Variants in RBFOX3 observed in about 807,000 individuals in gnomAD.
RBFOX3 encodes RNA binding fox-1 homolog 3.
In RBFOX3, 17 loss-of-function variants were observed where a neutral mutation model predicts 48.7. The observed-to-expected ratio is 0.35, with a 90% CI of 0.24 to 0.52. The LOEUF (loss-of-function observed/expected upper bound fraction) is 0.52, where lower values mean the gene tolerates loss of function less well. Ranked by LOEUF, RBFOX3 falls within the 20% of genes least tolerant of loss-of-function variation. The pLI, the probability that RBFOX3 is intolerant of heterozygous loss-of-function variation, is 0.94. For missense variants in RBFOX3, 382 were observed against 497.5 expected (o/e 0.77, Z 2.21); for synonymous variants, 212 against 209.5 (o/e 1.01, Z -0.10).
intron 11 of RBFOX3, among the ~76,000 whole-genome samples, 183 bp from the exon 12 acceptor site, chr17:79,097,016 G>C (rs2075406071): frequency 1.3e-5 from 2 of 152,182 alleles, no homozygotes; most frequent in South Asian, 4.1e-4. Context: ...CTGACCTCAA[G>C]AGTGGACAAC....
chr17:79,467,544 C>T (rs1332762945), intron 2 of RBFOX3, among the ~76,000 whole-genome samples: 1 of 152,216 alleles, frequency 6.6e-6, no homozygotes, highest in Non-Finnish European at 1.5e-5. Flanking sequence ...GCCAGCACTC[C>T]TGGGCCACCC....
chr17:79,149,757 G>A (rs1473469515), intron 4 of RBFOX3, among the ~76,000 whole-genome samples: 1 of 151,440 alleles, frequency 6.6e-6, no homozygotes, highest in Non-Finnish European at 1.5e-5. Flanking sequence ...GGACCTGCAG[G>A]TCCTGGGAGG....
chr17:79,368,638 G>C (rs2058110077), intron 2 of RBFOX3, among the ~76,000 whole-genome samples: 1 of 152,142 alleles, frequency 6.6e-6, no homozygotes, highest in African/African-American at 2.4e-5. Context: ...GAAGGTGCTG[G>C]AAGAGCTGAC....
At chr17:79,604,329 C>CT (rs2093778573) in intron 1 of RBFOX3, among the ~76,000 whole-genome samples, 1 of 152,182 alleles carries the variant, frequency 6.6e-6, no homozygotes, top group Non-Finnish European at 1.5e-5. Flanking sequence ...TCTGGGTTTC[C>CT]TTTTTTTGCT....
At chr17:79,523,105 G>T (rs1480187378) in intron 1 of RBFOX3, among the ~76,000 whole-genome samples, 1 of 148,888 alleles carries the variant, frequency 6.7e-6, no homozygotes, top group Non-Finnish European at 1.5e-5. Flanking sequence ...ACAGAAGGAA[G>T]AATGGAGGTT....
chr17:79,273,614 G>T (rs111294665), intron 3 of RBFOX3, among the ~76,000 whole-genome samples: 251 of 151,556 alleles, frequency 1.7e-3, no homozygotes, highest in Middle Eastern at 7.0e-3. Context: ...TAGTCCTGGG[G>T]GGCAGCGTGA....
chr17:79,540,964 C>G (rs560528809), intron 1 of RBFOX3, among the ~76,000 whole-genome samples: 1 of 152,164 alleles, frequency 6.6e-6, no homozygotes, highest in African/African-American at 2.4e-5. Context: ...CTGGGGGGAT[C>G]TGCAGGCCCA....
At chr17:79,308,588 G>A (rs770315151) in intron 2 of RBFOX3, among the ~76,000 whole-genome samples, 2 of 152,164 alleles carry the variant, frequency 1.3e-5, no homozygotes, top group African/African-American at 2.4e-5. Context: ...GCCATGGTCC[G>A]AGTGTTTCTG....
chr17:79,142,926 G>A (rs8081390), intron 4 of RBFOX3, among the ~76,000 whole-genome samples: 75,006 of 151,586 alleles, frequency 0.49, 19,633 homozygotes, highest in Non-Finnish European at 0.59. Flanking sequence ...ACCCATGCAC[G>A]TGGCCCTGCC....
intron 1 of RBFOX3, among the ~76,000 whole-genome samples, chr17:79,503,088 A>G (rs4790062): frequency 0.63 from 95,230 of 152,000 alleles, 30,299 homozygotes; most frequent in South Asian, 0.66. Context: ...TGTTCCCTGC[A>G]TCCTCATGTG....
chr17:79,539,502 A>G (rs1333544244), intron 1 of RBFOX3, among the ~76,000 whole-genome samples: 3 of 152,244 alleles, frequency 2.0e-5, no homozygotes, highest in South Asian at 2.1e-4. Context: ...CTTTGCCCCA[A>G]TAAGTCTACT....
intron 2 of RBFOX3, among the ~76,000 whole-genome samples, chr17:79,373,385 G>A (rs998270439): frequency 6.6e-6 from 1 of 152,202 alleles, no homozygotes; most frequent in South Asian, 2.1e-4. Context: ...CCAGGCACTC[G>A]GGCTGGGCGT....
intron 4 of RBFOX3, among the ~76,000 whole-genome samples, chr17:79,216,572 T>C (rs374465495): frequency 4.6e-5 from 7 of 151,822 alleles, no homozygotes; most frequent in African/African-American, 1.7e-4. Flanking sequence ...GGAAGGAAGG[T>C]ACCATGGCCC....
chr17:79,582,110 A>G (rs1425228072), intron 1 of RBFOX3, among the ~76,000 whole-genome samples: 1 of 139,192 alleles, frequency 7.2e-6, no homozygotes, highest in Non-Finnish European at 1.5e-5. Context: ...CTGCCCGTGT[A>G]TGTGCCTGTG....
intron 4 of RBFOX3, among the ~76,000 whole-genome samples, chr17:79,196,311 C>T (rs949256213): frequency 2.6e-5 from 4 of 152,152 alleles, no homozygotes; most frequent in East Asian, 1.9e-4. Flanking sequence ...AAGTGGGGCC[C>T]GCTCCAGCCT....
In RBFOX3 at chr17:79,103,374, G is replaced by A; in HGVS notation, c.415-120C>T. Reference sequence around the variant, plus strand: ...CAGGGGAGTGGGGAGAGAGAGAGAAGGGGTTGAGTCAGGTGAGTTGAGGCA... The same window carrying A: ...CAGGGGAGTGGGGAGAGAGAGAGAAAGGGTTGAGTCAGGTGAGTTGAGGCA... On this transcript the variant is annotated intron_variant, in intron 7 of 14. Coordinates refer to ENST00000693108, the MANE Select transcript of RBFOX3 (RefSeq NM_001350451.2). The surrounding 1 kb of genome is among the most constrained non-coding windows in gnomAD (Gnocchi z 6.1). 1 of 717,588 alleles carries A rather than the reference G, an allele frequency of 1.4e-6. No homozygotes were observed. 44.5% of individuals were successfully genotyped at this position (717,588 alleles called of 1,614,324 possible).
intron 3 of RBFOX3, among the ~76,000 whole-genome samples, chr17:79,255,084 C>A (rs964204242): frequency 2.0e-5 from 3 of 152,146 alleles, no homozygotes; most frequent in Non-Finnish European, 2.9e-5. Flanking sequence ...CCTTAGCCAA[C>A]TCCTTGACCC....
intron 1 of RBFOX3, among the ~76,000 whole-genome samples, chr17:79,553,749 G>GTCTCTCTCTC (rs1164746364): frequency 6.7e-6 from 1 of 149,676 alleles, no homozygotes; most frequent in African/African-American, 2.4e-5. Flanking sequence ...TTGAGACAGA[G>GTCTCTCTCTC]TCTCTCTCTC....
chr17:79,330,109 A>ATG (rs1040013140), intron 2 of RBFOX3, among the ~76,000 whole-genome samples: 22 of 152,252 alleles, frequency 1.4e-4, no homozygotes, highest in African/African-American at 5.3e-4. Flanking sequence ...GTGTGTGAGC[A>ATG]TGTGTGTGTG....
Sources: gnomAD v4.1 joint callset for allele counts (sites outside exome capture counted in the v4.1 genomes callset) on GRCh38, gnomAD v4.1.1 for gene constraint, Gnocchi (gnomAD v3.1) non-coding constraint, MANE v1.5 for transcripts, NCBI Gene and HGNC (gene_info 2026-07-23, HGNC 2026-07-21) for gene names.